Variants in MSRA observed in about 807,000 individuals in gnomAD.
MSRA encodes the protein mitochondrial peptide methionine sulfoxide reductase.
Under a neutral mutation model 31.3 loss-of-function variants are expected in MSRA, and 54 were observed. The ratio of observed to expected loss-of-function variants is 1.73; its 90% CI spans 1.39 to 2.17. The LOEUF is 2.17. Ranked by LOEUF, MSRA falls within the 30% of genes most tolerant of loss-of-function variation. The pLI is 0.00. For missense variants in MSRA, 507 were observed against 300.9 expected (o/e 1.69, Z -5.07); for synonymous variants, 169 against 116.5 (o/e 1.45, Z -2.90).
At chr8:10,195,868 G>T (rs954620352) in intron 1 of MSRA, among the ~76,000 whole-genome samples, 1 of 152,184 alleles carries the variant, frequency 6.6e-6, no homozygotes, top group South Asian at 2.1e-4. Flanking sequence ...TTTCACGAAC[G>T]AATAGCAGCC....
At chr8:10,176,094 T>C (rs1192193987) in intron 1 of MSRA, among the ~76,000 whole-genome samples, 2 of 152,246 alleles carry the variant, frequency 1.3e-5, no homozygotes, top group Non-Finnish European at 2.9e-5. Flanking sequence ...TAGGACCTAT[T>C]AGATCTGTAA....
chr8:10,331,541 A>G (rs971444478), intron 5 of MSRA, among the ~76,000 whole-genome samples: 4 of 152,170 alleles, frequency 2.6e-5, no homozygotes, highest in African/African-American at 7.2e-5. Flanking sequence ...CATTCCCAAC[A>G]TGACCCCCAT....
In MSRA at chr8:10,419,360, G is replaced by T. The variant is rs142637197; in HGVS notation, c.544-8788G>T. 1.7e-3 allele frequency among the ~76,000 whole-genome samples: 264 copies of T among 152,318 alleles called. 2 individuals carry two copies. In the South Asian group the frequency reaches 0.017, roughly 10 times the overall value. Reference sequence around the variant, plus strand: ...CCTCACCCTTGTGAATTTGAGTAAGGCATGTGAATTTGAATAAGATCCCTA... The same window carrying T: ...CCTCACCCTTGTGAATTTGAGTAAGTCATGTGAATTTGAATAAGATCCCTA... On this transcript the variant is annotated intron_variant, in intron 5 of 5. Coordinates refer to ENST00000317173, the MANE Select transcript of MSRA (RefSeq NM_012331.5).
chr8:10,134,992 T>A (rs994081075), intron 1 of MSRA, among the ~76,000 whole-genome samples: 11 of 152,164 alleles, frequency 7.2e-5, no homozygotes, highest in Non-Finnish European at 8.8e-5. Flanking sequence ...AATTTGTAAA[T>A]CTCTCAATCA....
intron 2 of MSRA, among the ~76,000 whole-genome samples, chr8:10,209,662 C>G (rs1008627069): frequency 6.6e-6 from 1 of 152,226 alleles, no homozygotes; most frequent in African/African-American, 2.4e-5. Context: ...CTTCCCCTCT[C>G]TAAGCCTCCG....
intron 2 of MSRA, among the ~76,000 whole-genome samples, chr8:10,211,792 C>A (rs1054471382): frequency 1.1e-4 from 17 of 152,136 alleles, no homozygotes; most frequent in African/African-American, 4.1e-4. Flanking sequence ...ATGAAAGTGA[C>A]ATTCCGTTGG....
intron 1 of MSRA, among the ~76,000 whole-genome samples, chr8:10,166,698 A>G (rs1378958959): frequency 6.6e-6 from 1 of 152,032 alleles, no homozygotes; most frequent in African/African-American, 2.4e-5. Context: ...TCACTCATTC[A>G]CTTGATCATA....
intron 3 of MSRA, among the ~76,000 whole-genome samples, chr8:10,248,139 C>T (rs941209584): frequency 1.3e-5 from 2 of 152,148 alleles, no homozygotes; most frequent in Non-Finnish European, 2.9e-5. Flanking sequence ...ATAGTAATTG[C>T]TGAGGTCCAT....
At chr8:10,064,239 G>C (rs1797346727) in intron 1 of MSRA, among the ~76,000 whole-genome samples, 1 of 152,156 alleles carries the variant, frequency 6.6e-6, no homozygotes, top group Admixed American at 6.5e-5. Context: ...CGATGACTTT[G>C]ACTCATGATG....
intron 1 of MSRA, among the ~76,000 whole-genome samples, chr8:10,113,296 T>TTTTTTTTTTTTTTG (rs1800432502): frequency 9.6e-6 from 1 of 104,292 alleles, no homozygotes; most frequent in African/African-American, 5.0e-5. Flanking sequence ...GGTCTTCTTT[T>TTTTTTTTTTTTTTG]TTTTTTTTTT....
intron 3 of MSRA, among the ~76,000 whole-genome samples, chr8:10,270,381 T>G (rs142702665): frequency 1.3e-5 from 2 of 148,990 alleles, no homozygotes; most frequent in East Asian, 2.0e-4. Flanking sequence ...AGAAATTATG[T>G]GTGTCTGCTT....
At chr8:10,131,434 C>G (rs961091492) in intron 1 of MSRA, among the ~76,000 whole-genome samples, 1 of 152,156 alleles carries the variant, frequency 6.6e-6, no homozygotes, top group Non-Finnish European at 1.5e-5. Context: ...GAAAAGAAGA[C>G]TTATTGTAGG....
rs144089810 is a variant in MSRA, at chr8:10,250,677, T to G, written c.331+5454T>G. ...TGGGAAGAGCGGAGTGTGGGAGTCCTCGTGTGACCCTCTGGGGGTGGTGAT... is the reference window on the plus strand; with the variant it reads ...TGGGAAGAGCGGAGTGTGGGAGTCCGCGTGTGACCCTCTGGGGGTGGTGAT... On this transcript the variant is annotated intron_variant, in intron 3 of 5. Coordinates refer to ENST00000317173, the MANE Select transcript of MSRA (RefSeq NM_012331.5). 3.4e-3 allele frequency: 1,905 copies of G among 567,842 alleles called. 29 individuals are homozygous for G. The highest frequency in any genetic ancestry group is 0.032 in the African/African-American group (1,665 of 52,578). The allele number at this position is 567,842 out of a possible 1,614,324, so 35.2% of individuals were successfully genotyped here. A position where few individuals can be genotyped will look rare whatever the true frequency, so the allele number is the denominator to read the frequency against.
At chr8:10,145,563 C>A (rs1481049708) in intron 1 of MSRA, among the ~76,000 whole-genome samples, 4 of 152,192 alleles carry the variant, frequency 2.6e-5, no homozygotes, top group Admixed American at 1.3e-4. Context: ...GCACTCCATC[C>A]ACGGGGCGGG....
At chr8:10,240,494 A>T (rs189469086) in intron 2 of MSRA, among the ~76,000 whole-genome samples, 313 of 152,232 alleles carry the variant, frequency 2.1e-3, no homozygotes, top group Non-Finnish European at 2.7e-3. Flanking sequence ...TTCATGGTAG[A>T]TGCCCTCTGG....
chr8:10,318,797 G>C (rs1352745780), intron 4 of MSRA, among the ~76,000 whole-genome samples: 1 of 152,130 alleles, frequency 6.6e-6, no homozygotes, highest in Non-Finnish European at 1.5e-5. Flanking sequence ...TTTGTCATCT[G>C]GGCTTCACGC....
Position 10,329,351 on chromosome 8 carries a change from C to T in MSRA, c.543+9362C>T, listed in dbSNP as rs187915147. ...GGATCTTCCAGCGTCTGGTGGGTGC[C>T]ACCATGCATGGCCTGTGGCTGCATC... On this transcript the variant is annotated intron_variant, in intron 5 of 5. Coordinates refer to ENST00000317173, the MANE Select transcript of MSRA (RefSeq NM_012331.5). Among the ~76,000 whole-genome samples, 3 of 152,314 alleles carry T rather than the reference C, an allele frequency of 2.0e-5. No homozygotes were observed. The East Asian group carries it at 5.8e-4, about 29-fold the overall frequency.
At chr8:10,362,605 C>T (rs1804915965) in intron 5 of MSRA, among the ~76,000 whole-genome samples, 1 of 152,034 alleles carries the variant, frequency 6.6e-6, no homozygotes, top group Non-Finnish European at 1.5e-5. Context: ...TCTCTCCAAG[C>T]AGTCCCCCTA....
intron 1 of MSRA, among the ~76,000 whole-genome samples, chr8:10,067,665 A>G (rs554642898): frequency 6.6e-6 from 1 of 152,264 alleles, no homozygotes; most frequent in Admixed American, 6.5e-5. Context: ...CTTGCTCCAC[A>G]TCCTTCCCGG....
Sources: allele counts gnomAD v4.1 joint callset (sites outside exome capture counted in the v4.1 genomes callset), GRCh38; gene constraint gnomAD v4.1.1; transcripts MANE v1.5; gene names NCBI Gene and HGNC (gene_info 2026-07-23, HGNC 2026-07-21).